The following INSR variants were observed in gnomAD, a reference collection of about 807,000 sequenced individuals.
The protein encoded by INSR is IR.
In INSR, 67 loss-of-function variants were observed where a neutral mutation model predicts 142.6. The observed-to-expected ratio is 0.47, with a 90% CI of 0.39 to 0.58. The LOEUF is 0.58. Among genes scored for constraint, INSR ranks in the 20% least tolerant of loss-of-function variants. The pLI, the probability that INSR is intolerant of heterozygous loss-of-function variation, is 0.00. For missense variants in INSR, 1,248 were observed against 1,833.2 expected (o/e 0.68, Z 5.83); for synonymous variants, 756 against 743.1 (o/e 1.02, Z -0.28).
At chr19:7,170,297 G>A (rs766793914) in intron 6 of INSR, among the ~76,000 whole-genome samples, 40 of 151,672 alleles carry the variant, frequency 2.6e-4, no homozygotes, top group Non-Finnish European at 5.0e-4. Flanking sequence ...ATCACCCCCA[G>A]CTGGGACCAT....
chr19:7,255,823 C>G (rs1003305018), intron 2 of INSR, among the ~76,000 whole-genome samples: 1 of 151,998 alleles, frequency 6.6e-6, no homozygotes, highest in Non-Finnish European at 1.5e-5. Context: ...AAGTGATCCT[C>G]CTGCCTCGGC....
At chr19:7,185,874 A>AAAG (rs1974417285) in intron 2 of INSR, among the ~76,000 whole-genome samples, 1 of 133,102 alleles carries the variant, frequency 7.5e-6, no homozygotes, top group African/African-American at 2.8e-5. Flanking sequence ...GAGAGAGACA[A>AAAG]AGAGAGAGAG....
intron 14 of INSR, among the ~76,000 whole-genome samples, 167 bp from the exon 15 acceptor site, chr19:7,129,121 A>AAACAGTCCCGT (rs1972717181): frequency 6.6e-6 from 1 of 152,036 alleles, no homozygotes. Flanking sequence ...AGCAGTCCCG[A>AAACAGTCCCGT]AACAGTCCCG....
intron 3 of INSR, among the ~76,000 whole-genome samples, chr19:7,178,051 C>T (rs1974180753): frequency 6.6e-6 from 1 of 151,992 alleles, no homozygotes; most frequent in Non-Finnish European, 1.5e-5. Context: ...TGGTGGCATC[C>T]TTGTTGCTGC....
Position 7,196,155 on chromosome 19 carries a change from G to A in INSR, c.653-11518C>T, listed in dbSNP as rs138455881. On this transcript the variant is annotated intron_variant, in intron 2 of 21. Coordinates refer to ENST00000302850, the MANE Select transcript of INSR (RefSeq NM_000208.4). ...TCTCCAAGTTGGTCAGGCTGGTCTC[G>A]AACTCCTGACCTCAGGTGATCCGCC... is the stretch of plus-strand genomic sequence containing the variant. 2.3e-3 allele frequency among the ~76,000 whole-genome samples: 355 copies of A among 151,282 alleles called. 1 individual carries two copies. The highest frequency in any genetic ancestry group is 8.2e-3 in the African/African-American group (337 of 41,232).
chr19:7,185,858 A>AAAAAAAAAAG (rs1555747112), intron 2 of INSR, among the ~76,000 whole-genome samples: 2 of 133,976 alleles, frequency 1.5e-5, no homozygotes, highest in Admixed American at 7.4e-5. Flanking sequence ...AAAAAAAAAA[A>AAAAAAAAAAG]AGAGAGAGAG....
chr19:7,190,559 A>G (rs536513920), intron 2 of INSR, among the ~76,000 whole-genome samples: 11 of 152,014 alleles, frequency 7.2e-5, no homozygotes, highest in African/African-American at 2.7e-4. Flanking sequence ...TTTAGTAGAG[A>G]TGGGGTTTCA....
intron 2 of INSR, among the ~76,000 whole-genome samples, chr19:7,242,308 G>A (rs1169755608): frequency 6.6e-6 from 1 of 152,154 alleles, no homozygotes; most frequent in Non-Finnish European, 1.5e-5. Context: ...GTTTGAGGCT[G>A]TGGTGTACTA....
chr19:7,144,554 C>T (rs577443090), intron 11 of INSR, among the ~76,000 whole-genome samples: 7 of 152,226 alleles, frequency 4.6e-5, no homozygotes, highest in African/African-American at 1.7e-4. Context: ...CAGGAGTCCG[C>T]CACCATGCCC....
At chr19:7,231,958 T>C (rs987692960) in intron 2 of INSR, among the ~76,000 whole-genome samples, 14 of 150,934 alleles carry the variant, frequency 9.3e-5, no homozygotes, top group African/African-American at 3.4e-4. Flanking sequence ...CAGGCTCTCA[T>C]ATGCCCTACT....
Position 7,207,646 on chromosome 19 carries a change from G to A in INSR, c.653-23009C>T, listed in dbSNP as rs549316154. Among the ~76,000 whole-genome samples the A allele has an allele frequency of 7.2e-5, 11 of 151,778 alleles. No homozygotes were observed. The South Asian group carries it at 1.5e-3, about 20-fold the overall frequency. ...CTGGCTAAAGAAAGGAGAATGGGCC[G>A]GGCCAGTGGCTCACACCTGTAATCC... On this transcript the variant is annotated intron_variant, in intron 2 of 21. Coordinates refer to ENST00000302850, the MANE Select transcript of INSR (RefSeq NM_000208.4).
chr19:7,174,232 C>T (rs1031915520), intron 4 of INSR, among the ~76,000 whole-genome samples: 3 of 151,882 alleles, frequency 2.0e-5, no homozygotes, highest in Non-Finnish European at 2.9e-5. Flanking sequence ...TTTGAGGCTA[C>T]AGTGAGCTAG....
In INSR at chr19:7,232,624, C is replaced by T. The variant is rs573058107; in HGVS notation, c.652+34721G>A. Among the ~76,000 whole-genome samples, 113 of 152,186 alleles carry T rather than the reference C, an allele frequency of 7.4e-4. 1 individual carries two copies. Among genetic ancestry groups the T allele is most frequent in the Middle Eastern group, 3.4e-3 (1 of 294 alleles). On this transcript the variant is annotated intron_variant, in intron 2 of 21. Transcript: ENST00000302850. ...AGGAGATCGAGACCATCCTGGCTAACAAGATGAAACCCTGTCTCTACTTAA... is the reference window on the plus strand; with the variant it reads ...AGGAGATCGAGACCATCCTGGCTAATAAGATGAAACCCTGTCTCTACTTAA...
intron 3 of INSR, among the ~76,000 whole-genome samples, chr19:7,183,981 C>T (rs1233571045): frequency 3.4e-5 from 5 of 147,888 alleles, no homozygotes; most frequent in African/African-American, 1.3e-4. Context: ...ATCGCTTGAA[C>T]CCAGGAGGCA....
At chr19:7,237,394 G>A (rs760283155) in intron 2 of INSR, among the ~76,000 whole-genome samples, 2 of 152,042 alleles carry the variant, frequency 1.3e-5, no homozygotes, top group African/African-American at 2.4e-5. Context: ...GCAGGCACCT[G>A]TAATCCCAGC....
At chr19:7,224,092 C>T (rs975664418) in intron 2 of INSR, among the ~76,000 whole-genome samples, 6 of 151,912 alleles carry the variant, frequency 3.9e-5, no homozygotes, top group African/African-American at 1.2e-4. Flanking sequence ...TACAGGCGTA[C>T]ACCACCACAC....
At chr19:7,149,345 T>C (rs781100219) in intron 11 of INSR, among the ~76,000 whole-genome samples, 1 of 151,072 alleles carries the variant, frequency 6.6e-6, no homozygotes, top group East Asian at 1.9e-4. Context: ...AATAAATAAA[T>C]AAACACTCTG....
At chr19:7,237,461 G>A (rs551189317) in intron 2 of INSR, among the ~76,000 whole-genome samples, 98 of 152,006 alleles carry the variant, frequency 6.4e-4, no homozygotes, top group African/African-American at 2.2e-3. Flanking sequence ...AGGTTGCAGT[G>A]AGCAGAGACC....
At chr19:7,163,229 A>C in intron 8 of INSR, 30 bp from the exon 9 acceptor site, 1 of 1,596,706 alleles carries the variant, frequency 6.3e-7, no homozygotes, top group Non-Finnish European at 8.6e-7. Context: ...TGGGTCCATC[A>C]TGAGAAACAG....
Sources: gnomAD v4.1 joint callset for allele counts (sites outside exome capture counted in the v4.1 genomes callset) on GRCh38, gnomAD v4.1.1 for gene constraint, MANE v1.5 for transcripts, NCBI Gene and HGNC (gene_info 2026-07-23, HGNC 2026-07-21) for gene names.